Variants in TMPRSS11F observed in about 807,000 individuals in gnomAD.
TMPRSS11F encodes the protein transmembrane protease serine 11F.
TMPRSS11F carries 47 observed loss-of-function variants against 60.2 expected under a neutral mutation model. That is an observed-to-expected ratio of 0.78 (90% CI 0.62 to 1.00). TMPRSS11F has a LOEUF of 1.00. Ranked by LOEUF, TMPRSS11F falls within the 50% of genes least tolerant of loss-of-function variation. The pLI, the probability that TMPRSS11F is intolerant of heterozygous loss-of-function variation, is 0.00. For synonymous variants in TMPRSS11F, 166 were observed against 167.3 expected, an observed-to-expected ratio of 0.99 and a Z score of 0.06; for missense variants, 519 against 522.9, an observed-to-expected ratio of 0.99 and a Z score of 0.07.
intron 8 of TMPRSS11F, among the ~76,000 whole-genome samples, chr4:68,061,241 G>T (rs1723167283): frequency 6.6e-6 from 1 of 152,122 alleles, no homozygotes; most frequent in Non-Finnish European, 1.5e-5. Context: ...AGGAAATAAA[G>T]ATCTTGCGAC....
chr4:68,074,112 T>C (rs1458308728), intron 3 of TMPRSS11F, 103 bp from the exon 4 acceptor site: 9 of 675,428 alleles, frequency 1.3e-5, no homozygotes, highest in African/African-American at 1.9e-5. Flanking sequence ...TTATTCCTTG[T>C]CTTATCTAGA....
chr4:68,109,053 T>G lies in TMPRSS11F; in HGVS notation c.12-10015A>C, dbSNP rs73823606. ...TGAGAAAGCTCCCCTCACCTTTGCTTAGTCTGATGATGGTTTTTAGGCATG... is the reference window on the plus strand; with the variant it reads ...TGAGAAAGCTCCCCTCACCTTTGCTGAGTCTGATGATGGTTTTTAGGCATG... On this transcript the variant is annotated intron_variant, in intron 1 of 9. Transcript: ENST00000356291. 9.1e-3 allele frequency among the ~76,000 whole-genome samples: 1,383 copies of G among 152,296 alleles called. 27 individuals carry two copies. The highest frequency in any genetic ancestry group is 0.032 in the African/African-American group (1,314 of 41,560).
intron 1 of TMPRSS11F, among the ~76,000 whole-genome samples, chr4:68,106,914 A>C (rs1050706039): frequency 2.6e-5 from 4 of 152,216 alleles, no homozygotes; most frequent in Non-Finnish European, 4.4e-5. Flanking sequence ...GATTCAGTAC[A>C]AGATCTATCT....
chr4:68,063,544 T>C (rs77706459), intron 8 of TMPRSS11F, among the ~76,000 whole-genome samples: 2 of 151,278 alleles, frequency 1.3e-5, no homozygotes, highest in Non-Finnish European at 2.9e-5. Flanking sequence ...GCCCTGTTAA[T>C]TTTTTTTTGT....
At chr4:68,093,233 T>C (rs1190478205) in intron 2 of TMPRSS11F, among the ~76,000 whole-genome samples, 2 of 152,190 alleles carry the variant, frequency 1.3e-5, no homozygotes, top group East Asian at 3.9e-4. Context: ...AACAATTTTC[T>C]GAAGTAAAAA....
intron 7 of TMPRSS11F, among the ~76,000 whole-genome samples, chr4:68,067,670 T>C (rs1441752900): frequency 6.6e-6 from 1 of 152,218 alleles, no homozygotes. Context: ...TAAATACACA[T>C]ATATAAGTGA....
intron 3 of TMPRSS11F, among the ~76,000 whole-genome samples, chr4:68,078,646 G>A (rs1198970602): frequency 1.3e-5 from 2 of 152,214 alleles, no homozygotes; most frequent in African/African-American, 4.8e-5. Context: ...GTAAAGGGAA[G>A]AAGATGGTAA....
At chr4:68,101,838 G>A (rs116510476) in intron 1 of TMPRSS11F, among the ~76,000 whole-genome samples, 5,422 of 151,898 alleles carry the variant, frequency 0.036, 272 homozygotes, top group African/African-American at 0.11. Context: ...GTTTGTTTTT[G>A]TGGCAACAGC....
chr4:68,125,546 T>C (rs1724698844), intron 1 of TMPRSS11F, among the ~76,000 whole-genome samples: 1 of 152,186 alleles, frequency 6.6e-6, no homozygotes, highest in South Asian at 2.1e-4. Context: ...TGAATATGAA[T>C]GTTCCTGAAA....
chr4:68,058,719 G>A (rs1195488676), intron 9 of TMPRSS11F, among the ~76,000 whole-genome samples: 1 of 152,210 alleles, frequency 6.6e-6, no homozygotes, highest in African/African-American at 2.4e-5. Flanking sequence ...TGTTGGGAAT[G>A]AGAGTTGGTA....
intron 2 of TMPRSS11F, among the ~76,000 whole-genome samples, chr4:68,098,084 C>A (rs1724108161): frequency 6.6e-6 from 1 of 152,066 alleles, no homozygotes; most frequent in African/African-American, 2.4e-5. Context: ...TCGAGTGGAT[C>A]ACCTAAGGTC....
At chr4:68,085,843 T>C (rs536629635) in intron 3 of TMPRSS11F, among the ~76,000 whole-genome samples, 1 of 152,302 alleles carries the variant, frequency 6.6e-6, no homozygotes, top group East Asian at 1.9e-4. Flanking sequence ...ATCCAAAATA[T>C]ATATGCACCC....
chr4:68,090,622 G>T lies in TMPRSS11F; in HGVS notation c.183C>A (p.Tyr61Ter), dbSNP rs1271185431. 1 of 1,597,784 alleles carries T rather than the reference G, an allele frequency of 6.3e-7. No homozygotes were observed. The highest frequency in any genetic ancestry group is 8.5e-7 in the Non-Finnish European group (1 of 1,171,140). The change falls in exon 3 of 10, where the codon TAC becomes TAA. Residue 61 changes from tyrosine (Y) to a stop codon, truncating the protein, a stop_gained. Transcript: ENST00000356291. LOFTEE classifies it high-confidence loss of function. ...FVVEDDKSFY[Y>*]LASFKVTNIK... Reference sequence around the variant, plus strand: ...TATTTGTGACTTTAAAAGAGGCAAGGTAATAGAAAGACTTATCATCTGAAA... The same window carrying T: ...TATTTGTGACTTTAAAAGAGGCAAGTTAATAGAAAGACTTATCATCTGAAA...
chr4:68,121,799 T>C (rs572282131), intron 1 of TMPRSS11F, among the ~76,000 whole-genome samples: 13 of 152,216 alleles, frequency 8.5e-5, no homozygotes, highest in Non-Finnish European at 1.5e-4. Flanking sequence ...ATAATCTGCA[T>C]ATTAAATAAA....
intron 3 of TMPRSS11F, among the ~76,000 whole-genome samples, 198 bp downstream of exon 3, chr4:68,090,325 T>C (rs951635822): frequency 2.0e-5 from 3 of 152,126 alleles, no homozygotes; most frequent in Admixed American, 6.6e-5. Context: ...ATCTACTATA[T>C]ACATTTGATG....
chr4:68,059,591 ATCT>A, intron 8 of TMPRSS11F, 123 bp from the exon 9 acceptor site: 1 of 963,404 alleles, frequency 1.0e-6, no homozygotes. Flanking sequence ...ATTAGCTATC[ATCT>A]TATTTTCTGT....
At chr4:68,120,415 G>GTC (rs1376739921) in intron 1 of TMPRSS11F, among the ~76,000 whole-genome samples, 1 of 135,240 alleles carries the variant, frequency 7.4e-6, no homozygotes, top group African/African-American at 2.9e-5. Context: ...TTGAGACGGA[G>GTC]TCTCGCTCTG....
At chr4:68,069,492 T>TA (rs1407898408) in intron 6 of TMPRSS11F, among the ~76,000 whole-genome samples, 1 of 152,168 alleles carries the variant, frequency 6.6e-6, no homozygotes, top group African/African-American at 2.4e-5. Context: ...CTTAAAGTGT[T>TA]ACAACATTTT....
At chr4:68,095,329 A>G (rs1724050247) in intron 2 of TMPRSS11F, among the ~76,000 whole-genome samples, 2 of 152,256 alleles carry the variant, frequency 1.3e-5, no homozygotes, top group Non-Finnish European at 1.5e-5. Context: ...ATAAGAAAAA[A>G]CAGATGACTC....
Sources: gnomAD v4.1 joint callset for allele counts (sites outside exome capture counted in the v4.1 genomes callset) on GRCh38, gnomAD v4.1.1 for gene constraint, MANE v1.5 for transcripts, NCBI Gene and HGNC (gene_info 2026-07-23, HGNC 2026-07-21) for gene names.